The following ZDHHC7 variants were observed in gnomAD, a reference collection of about 807,000 sequenced individuals.
The protein encoded by ZDHHC7 is zDHHC palmitoyltransferase 7.
ZDHHC7 carries 12 observed loss-of-function variants against 34.1 expected under a neutral mutation model. That is an observed-to-expected ratio of 0.35 (90% CI 0.23 to 0.57). ZDHHC7 has a LOEUF of 0.57. Among genes scored for constraint, ZDHHC7 ranks in the 20% least tolerant of loss-of-function variants. The pLI is 0.84. For missense variants in ZDHHC7, 388 were observed against 402.7 expected (o/e 0.96, Z 0.31); for synonymous variants, 185 against 155.4 (o/e 1.19, Z -1.42).
chr16:85,008,769 G>C (rs1296680048), intron 1 of ZDHHC7, among the ~76,000 whole-genome samples: 2 of 151,860 alleles, frequency 1.3e-5, no homozygotes, highest in African/African-American at 2.4e-5. Flanking sequence ...AAAAGGGTCA[G>C]GCACAGTGGC....
At chr16:85,015,251 C>T (rs554296085), upstream of ZDHHC7, among the ~76,000 whole-genome samples, 3 of 152,152 alleles carry the variant, frequency 2.0e-5, no homozygotes, top group African/African-American at 4.8e-5. Context: ...AGGCGCCCAC[C>T]ACCATGCCCA....
At chr16:85,026,154 T>C in the ZDHHC7 span, among the ~76,000 whole-genome samples, 1 of 152,182 alleles carries the variant, frequency 6.6e-6, no homozygotes, top group African/African-American at 2.4e-5. Context: ...CCCAAACAGC[T>C]GGTAATGCAA....
At chr16:84,985,738 T>A (rs1321374310) in intron 3 of ZDHHC7, among the ~76,000 whole-genome samples, 1 of 152,072 alleles carries the variant, frequency 6.6e-6, no homozygotes, top group Non-Finnish European at 1.5e-5. Context: ...GCGGATCACT[T>A]GAGGTCAAGA....
At chr16:84,990,265 G>C (rs754971354) in intron 3 of ZDHHC7, 39 bp downstream of exon 3, 1 of 1,599,664 alleles carries the variant, frequency 6.3e-7, no homozygotes, top group South Asian at 1.1e-5. Flanking sequence ...CACTAGACCA[G>C]ACACAAGAGA....
intron 2 of ZDHHC7, among the ~76,000 whole-genome samples, chr16:84,990,838 C>G (rs192116167): frequency 1.3e-5 from 2 of 148,758 alleles, no homozygotes; most frequent in East Asian, 3.9e-4. Context: ...CAGTAAGTCC[C>G]ACAGTACAGG....
At chr16:84,988,804 T>C (rs771752716) in intron 3 of ZDHHC7, 3 of 1,551,608 alleles carry the variant, frequency 1.9e-6, no homozygotes, top group Non-Finnish European at 2.6e-6. Flanking sequence ...TCACCACAAA[T>C]GCCCACAAGG....
intron 1 of ZDHHC7, among the ~76,000 whole-genome samples, chr16:85,006,573 C>T (rs1239061188): frequency 6.6e-6 from 1 of 151,188 alleles, no homozygotes; most frequent in Non-Finnish European, 1.5e-5. Flanking sequence ...GACCCCATTT[C>T]TGTAATTTAA....
intron 1 of ZDHHC7, among the ~76,000 whole-genome samples, chr16:85,002,604 G>A (rs2072667575): frequency 6.6e-6 from 1 of 151,776 alleles, no homozygotes; most frequent in Admixed American, 6.6e-5. Flanking sequence ...CTGACGAGAT[G>A]TGCCCACTCA....
intron 3 of ZDHHC7, chr16:84,988,857 C>T: frequency 6.4e-7 from 1 of 1,551,734 alleles, no homozygotes; most frequent in Middle Eastern, 1.7e-4. Context: ...AGATGGTCGG[C>T]AGTCACTGGA....
chr16:85,001,448 G>T (rs1380144470), intron 1 of ZDHHC7, among the ~76,000 whole-genome samples: 1 of 106,010 alleles, frequency 9.4e-6, no homozygotes, highest in African/African-American at 3.9e-5. Context: ...TCCAGCCTGG[G>T]CAAGAGAGCA....
intron 7 of ZDHHC7, among the ~76,000 whole-genome samples, chr16:84,976,891 G>A (rs538805005): frequency 2.0e-5 from 3 of 152,334 alleles, no homozygotes; most frequent in African/African-American, 4.8e-5. Flanking sequence ...TGGCTCTGCT[G>A]ACTTGCAAAT....
intron 1 of ZDHHC7, among the ~76,000 whole-genome samples, chr16:84,996,691 C>T (rs919959323): frequency 8.5e-5 from 13 of 152,234 alleles, no homozygotes; most frequent in African/African-American, 2.6e-4. Flanking sequence ...ACCCCCGCCA[C>T]GGACACAGAG....
chr16:84,993,557 G>A (rs558200824), intron 2 of ZDHHC7, among the ~76,000 whole-genome samples: 3 of 151,614 alleles, frequency 2.0e-5, no homozygotes, highest in South Asian at 2.1e-4. Flanking sequence ...TGGAAGGATC[G>A]CATGAGACTG....
intron 1 of ZDHHC7, among the ~76,000 whole-genome samples, chr16:85,001,828 G>A (rs887197111): frequency 5.3e-5 from 8 of 151,990 alleles, no homozygotes; most frequent in African/African-American, 1.5e-4. Flanking sequence ...TTCCCATGTC[G>A]GCCAAAGTGC....
intron 5 of ZDHHC7, 90 bp from the exon 6 acceptor site, chr16:84,978,095 C>G: frequency 2.0e-6 from 2 of 1,020,512 alleles, no homozygotes; most frequent in Non-Finnish European, 2.9e-6. Context: ...TGGAATGCAG[C>G]GGCGTAGTCT....
intron 4 of ZDHHC7, among the ~76,000 whole-genome samples, chr16:84,980,078 A>G (rs568599735): frequency 6.1e-5 from 9 of 148,210 alleles, no homozygotes; most frequent in African/African-American, 2.2e-4. Flanking sequence ...CTCCTGCCTC[A>G]GCCTCCCGAG....
chr16:85,007,294 G>A (rs1044286080), intron 1 of ZDHHC7, among the ~76,000 whole-genome samples: 1 of 151,542 alleles, frequency 6.6e-6, no homozygotes, highest in Non-Finnish European at 1.5e-5. Context: ...ATGATGGTGG[G>A]TGCCTGTAAT....
rs906978209 is a variant in ZDHHC7 at position 84,998,654 on chromosome 16, G to A, written c.-103-2647C>T. The stretch of plus-strand genomic sequence containing the variant: ...ACACCGACTGCAAGATCCCTCAGGG[G>A]TCGCTTTTCCCTCAAGCTTCTGCCC... On this transcript the variant is annotated intron_variant, in intron 1 of 7. Coordinates refer to ENST00000313732, the MANE Select transcript of ZDHHC7 (RefSeq NM_017740.3). Among the ~76,000 whole-genome samples the A allele has an allele frequency of 3.3e-5, 5 of 151,982 alleles. No individual in the cohort carries two copies. The East Asian group carries it at 5.8e-4, about 18-fold the overall frequency.
chr16:84,986,971 C>T (rs2072444882), intron 3 of ZDHHC7, among the ~76,000 whole-genome samples: 1 of 152,214 alleles, frequency 6.6e-6, no homozygotes, highest in African/African-American at 2.4e-5. Flanking sequence ...GCCATGCCCA[C>T]TCTCCCCTTC....
Sources: allele counts gnomAD v4.1 joint callset (sites outside exome capture counted in the v4.1 genomes callset), GRCh38; gene constraint gnomAD v4.1.1; transcripts MANE v1.5; gene names NCBI Gene and HGNC (gene_info 2026-07-23, HGNC 2026-07-21).